Variants in UBAC2 observed in about 807,000 individuals in gnomAD.
The protein encoded by UBAC2 is UBA domain containing 2.
Under a neutral mutation model 44.0 loss-of-function variants are expected in UBAC2, and 26 were observed. The ratio of observed to expected loss-of-function variants is 0.59; its 90% CI spans 0.43 to 0.82. The LOEUF (loss-of-function observed/expected upper bound fraction) is 0.82, where lower values mean the gene tolerates loss of function less well. Among genes scored for constraint, UBAC2 ranks in the 40% least tolerant of loss-of-function variants. The pLI, the probability that UBAC2 is intolerant of heterozygous loss-of-function variation, is 0.00. For missense variants in UBAC2, 329 were observed against 419.4 expected (o/e 0.78, Z 1.88); for synonymous variants, 155 against 154.3 (o/e 1.00, Z -0.04).
intron 8 of UBAC2, among the ~76,000 whole-genome samples, chr13:99,384,831 T>TGTGATGCCAGGGCCGAGCGTGGCAGAGAC (rs1566533724): frequency 8.9e-5 from 10 of 112,272 alleles, no homozygotes; most frequent in South Asian, 2.8e-4. Context: ...GTGGCAGTGA[T>TGTGATGCCAGGGCCGAGCGTGGCAGAGAC]GCCAGGAGTG....
At chr13:99,305,091 A>T (rs990662628) in intron 4 of UBAC2, among the ~76,000 whole-genome samples, 1 of 152,270 alleles carries the variant, frequency 6.6e-6, no homozygotes, top group African/African-American at 2.4e-5. Context: ...ACAGTATTTT[A>T]ATAATAAAAC....
chr13:99,270,650 T>C (rs1051995196), intron 4 of UBAC2, among the ~76,000 whole-genome samples: 11 of 152,204 alleles, frequency 7.2e-5, no homozygotes, highest in African/African-American at 2.7e-4. Context: ...TAGAAATTGA[T>C]GGTTGATGGT....
At chr13:99,290,607 C>T (rs768004390) in intron 4 of UBAC2, among the ~76,000 whole-genome samples, 12 of 151,788 alleles carry the variant, frequency 7.9e-5, no homozygotes, top group Non-Finnish European at 1.6e-4. Context: ...CACCTGTAAT[C>T]CCAGCTGCTC....
rs1267420654 is a variant in UBAC2 at position 99,353,318 on chromosome 13, G to A, written c.807+12753G>A. ...GTACCTCCTTGCAGAAGCTACTGCT[G>A]TGTTTCCAGTGCTTTTGTAGTTGAT... On this transcript the variant is annotated intron_variant, in intron 7 of 8. Transcript: ENST00000403766. Among the ~76,000 whole-genome samples the A allele has an allele frequency of 2.6e-4, 40 of 152,270 alleles. 1 individual carries two copies. The highest frequency in any genetic ancestry group is 2.6e-3 in the Admixed American group (40 of 15,292).
intron 1 of UBAC2, among the ~76,000 whole-genome samples, chr13:99,230,696 GACTCTTTCTT>G (rs2043162295): frequency 6.6e-6 from 1 of 152,078 alleles, no homozygotes; most frequent in South Asian, 2.1e-4. Context: ...GTGACTGGTG[GACTCTTTCTT>G]ACACATTGTC....
rs3031439 is a variant in UBAC2, at chr13:99,347,319, G to GCCCCCCCCC, written c.807+6761_807+6769dup. Reference sequence around the variant, plus strand: ...GATTCAGACGTTACTATCCCCGGGCGCCCCCCCCCCCCCCCAGGAAAAAAA... The same window carrying GCCCCCCCCC: ...GATTCAGACGTTACTATCCCCGGGCGCCCCCCCCCCCCCCCCCCCCCCCCAGGAAAAAAA... On this transcript the variant is annotated intron_variant, in intron 7 of 8. Transcript: ENST00000403766. Among the ~76,000 whole-genome samples, 9 of 20,554 alleles carry GCCCCCCCCC rather than the reference G, an allele frequency of 4.4e-4. 2 individuals are homozygous for GCCCCCCCCC. Among genetic ancestry groups the GCCCCCCCCC allele is most frequent in the South Asian group, 1.2e-3 (1 of 814 alleles). 13.5% of individuals were successfully genotyped at this position (20,554 alleles called of 152,430 possible). A position where few individuals can be genotyped will look rare whatever the true frequency, so the allele number is the denominator to read the frequency against.
Position 99,303,547 on chromosome 13 carries a change from A to T in UBAC2, c.390-10550A>T, listed in dbSNP as rs117450104. Among the ~76,000 whole-genome samples, 137 of 152,336 alleles carry T rather than the reference A, an allele frequency of 9.0e-4. No homozygotes were observed. In the Middle Eastern group the frequency reaches 0.014, roughly 15 times the overall value. On this transcript the variant is annotated intron_variant, in intron 4 of 8. Coordinates refer to ENST00000403766, the MANE Select transcript of UBAC2 (RefSeq NM_001144072.2). ...GAACTAAGAAACTAAGAATCCCACCATAATACTCATTTTAGTGTAAGAAAG... is the reference window on the plus strand; with the variant it reads ...GAACTAAGAAACTAAGAATCCCACCTTAATACTCATTTTAGTGTAAGAAAG...
chr13:99,207,635 G>A (rs951295366), intron 1 of UBAC2, among the ~76,000 whole-genome samples: 2 of 152,174 alleles, frequency 1.3e-5, no homozygotes, highest in African/African-American at 4.8e-5. Context: ...AAAACATTTG[G>A]TAGGGAGCCT....
intron 1 of UBAC2, among the ~76,000 whole-genome samples, chr13:99,221,170 C>G (rs971264647): frequency 4.6e-5 from 7 of 152,094 alleles, no homozygotes; most frequent in African/African-American, 1.7e-4. Flanking sequence ...ATAAACAGTG[C>G]TGCGATGAAC....
intron 8 of UBAC2, among the ~76,000 whole-genome samples, chr13:99,381,861 C>T (rs1388274438): frequency 1.3e-5 from 2 of 152,148 alleles, no homozygotes; most frequent in African/African-American, 2.4e-5. Context: ...TGAAGTTTCA[C>T]ATCTGGCAAA....
At chr13:99,246,317 G>A (rs2043382658) in intron 4 of UBAC2, among the ~76,000 whole-genome samples, 1 of 152,204 alleles carries the variant, frequency 6.6e-6, no homozygotes, top group Non-Finnish European at 1.5e-5. Context: ...TCCACAGGTG[G>A]TCATTGTAAT....
At chr13:99,324,952 C>T (rs1055761329) in intron 6 of UBAC2, among the ~76,000 whole-genome samples, 2 of 152,108 alleles carry the variant, frequency 1.3e-5, no homozygotes, top group East Asian at 3.8e-4. Context: ...AATGTTCACA[C>T]GATGACCAGA....
chr13:99,242,165 A>G (rs1465360640), intron 2 of UBAC2, among the ~76,000 whole-genome samples: 1 of 152,126 alleles, frequency 6.6e-6, no homozygotes, highest in Non-Finnish European at 1.5e-5. Flanking sequence ...CAACCATCCG[A>G]TTTCTCAATC....
At chr13:99,339,659 GA>G (rs1337588780) in intron 6 of UBAC2, among the ~76,000 whole-genome samples, 2 of 150,776 alleles carry the variant, frequency 1.3e-5, no homozygotes, top group African/African-American at 4.9e-5. Context: ...TTTTACAAAG[GA>G]ATAGCCATAG....
At chr13:99,368,835 G>C (rs974077443) in intron 8 of UBAC2, among the ~76,000 whole-genome samples, 1 of 152,046 alleles carries the variant, frequency 6.6e-6, no homozygotes, top group Non-Finnish European at 1.5e-5. Context: ...CCCACTAAAA[G>C]GAACCAGGCC....
intron 7 of UBAC2, among the ~76,000 whole-genome samples, chr13:99,357,175 G>A (rs1356800089): frequency 6.6e-6 from 1 of 152,136 alleles, no homozygotes; most frequent in Non-Finnish European, 1.5e-5. Flanking sequence ...CCAGTATTCA[G>A]CACAGTGACT....
chr13:99,382,049 G>T (rs993108970), intron 8 of UBAC2, among the ~76,000 whole-genome samples: 4 of 152,164 alleles, frequency 2.6e-5, no homozygotes, highest in Admixed American at 1.3e-4. Context: ...AATGAAGTGG[G>T]TTTGAAACTG....
intron 6 of UBAC2, among the ~76,000 whole-genome samples, chr13:99,321,347 C>T (rs2138783687): frequency 6.6e-6 from 1 of 152,258 alleles, no homozygotes; most frequent in African/African-American, 2.4e-5. Flanking sequence ...CTCGCTGTGT[C>T]ACTCAGGCTG....
intron 1 of UBAC2, among the ~76,000 whole-genome samples, chr13:99,217,031 A>G (rs1329061425): frequency 6.6e-6 from 1 of 151,978 alleles, no homozygotes. Context: ...GGGTTTCACC[A>G]TGTTGGCCAG....
Sources: gnomAD v4.1 joint callset for allele counts (sites outside exome capture counted in the v4.1 genomes callset) on GRCh38, gnomAD v4.1.1 for gene constraint, MANE v1.5 for transcripts, NCBI Gene and HGNC (gene_info 2026-07-23, HGNC 2026-07-21) for gene names.